The following FRMD6 variants were observed in gnomAD, a reference collection of about 807,000 sequenced individuals.
FRMD6 encodes FERM domain containing 6.
In FRMD6, 37 loss-of-function variants were observed where a neutral mutation model predicts 73.2. The ratio of observed to expected loss-of-function variants is 0.51; its 90% CI spans 0.39 to 0.66. The LOEUF (loss-of-function observed/expected upper bound fraction) is 0.66, where lower values mean the gene tolerates loss of function less well. FRMD6 is among the 30% of genes least tolerant of loss of function. The pLI is 0.00. For missense variants in FRMD6, 714 were observed against 780.5 expected, an observed-to-expected ratio of 0.91 and a Z score of 1.02; for synonymous variants, 273 against 282.2, an observed-to-expected ratio of 0.97 and a Z score of 0.33.
chr14:51,633,309 A>G (rs1344302351), intron 2 of FRMD6, among the ~76,000 whole-genome samples: 1 of 151,236 alleles, frequency 6.6e-6, no homozygotes, highest in Non-Finnish European at 1.5e-5. Flanking sequence ...TCATATTATC[A>G]GGGTTTTTTT....
chr14:51,694,526 A>C (rs1043894828), intron 2 of FRMD6, among the ~76,000 whole-genome samples: 2 of 152,098 alleles, frequency 1.3e-5, no homozygotes, highest in African/African-American at 2.4e-5. Flanking sequence ...CCCTGTCTCT[A>C]CATAAAATTT....
chr14:51,415,085 T>C, the FRMD6 span, among the ~76,000 whole-genome samples: 1 of 152,234 alleles, frequency 6.6e-6, no homozygotes, highest in South Asian at 2.1e-4. Context: ...TATACAATCA[T>C]GTCATCTGCA....
At chr14:51,704,664 G>C in intron 5 of FRMD6, 85 bp from the exon 6 acceptor site, 4 of 1,118,376 alleles carry the variant, frequency 3.6e-6, no homozygotes, top group Non-Finnish European at 3.8e-6. Flanking sequence ...CCTGTCACCA[G>C]ATGGAGAGAA....
At chr14:51,595,925 T>C (rs903303064) in intron 2 of FRMD6, among the ~76,000 whole-genome samples, 16 of 152,312 alleles carry the variant, frequency 1.1e-4, no homozygotes, top group Admixed American at 2.6e-4. Context: ...TTTTTCCTCT[T>C]CTTTGGGGTA....
At chr14:51,519,428 G>T (rs1218404911) in intron 1 of FRMD6, among the ~76,000 whole-genome samples, 1 of 152,026 alleles carries the variant, frequency 6.6e-6, no homozygotes, top group Non-Finnish European at 1.5e-5. Context: ...GGGATTACAG[G>T]TGTGAGCCAC....
chr14:51,607,262 A>G (rs1890298522), intron 2 of FRMD6, among the ~76,000 whole-genome samples: 1 of 152,174 alleles, frequency 6.6e-6, no homozygotes, highest in Admixed American at 6.5e-5. Flanking sequence ...CCCTTTCTTC[A>G]TCCATGTATG....
the FRMD6 span, among the ~76,000 whole-genome samples, chr14:51,447,663 G>A: frequency 1.1e-3 from 163 of 152,308 alleles, no homozygotes; most frequent in African/African-American, 3.9e-3. Context: ...CACCTTGGGT[G>A]GAACTGTGTT....
chr14:51,583,755 A>G lies in FRMD6; in HGVS notation c.-147+13345A>G, dbSNP rs559440407. On this transcript the variant is annotated intron_variant, in intron 2 of 14. Coordinates refer to the FRMD6 transcript ENST00000356218. Reference sequence around the variant, plus strand: ...TGTATACACTTTCTGAAGAATTACAATGGTGCAGCCCGAAGTCACTCAGGA... The same window carrying G: ...TGTATACACTTTCTGAAGAATTACAGTGGTGCAGCCCGAAGTCACTCAGGA... 4.6e-5 allele frequency among the ~76,000 whole-genome samples: 7 copies of G among 152,318 alleles called. No individual in the cohort carries two copies. The South Asian group carries it at 1.2e-3, about 27-fold the overall frequency.
At chr14:51,468,529 T>C in the FRMD6 span, among the ~76,000 whole-genome samples, 3 of 152,182 alleles carry the variant, frequency 2.0e-5, no homozygotes, top group African/African-American at 7.2e-5. Context: ...TCTATGAAAA[T>C]TGAAAATAAG....
chr14:51,466,473 A>G, the FRMD6 span, among the ~76,000 whole-genome samples: 2 of 152,224 alleles, frequency 1.3e-5, no homozygotes, highest in South Asian at 2.1e-4. Flanking sequence ...TTCTATATGA[A>G]TACGTAGTTG....
chr14:51,524,762 G>A (rs1298289594), intron 1 of FRMD6, among the ~76,000 whole-genome samples: 4 of 151,988 alleles, frequency 2.6e-5, no homozygotes, highest in East Asian at 1.9e-4. Context: ...GTTATAGCTC[G>A]GCGTTCTCCT....
chr14:51,507,702 A>G (rs981929851), intron 1 of FRMD6, among the ~76,000 whole-genome samples: 14 of 151,968 alleles, frequency 9.2e-5, no homozygotes, highest in Non-Finnish European at 5.9e-5. Context: ...GCTGATTTCC[A>G]GTTCCATTAG....
the FRMD6 span, among the ~76,000 whole-genome samples, chr14:51,435,655 A>AG: frequency 6.6e-6 from 1 of 152,204 alleles, no homozygotes; most frequent in Non-Finnish European, 1.5e-5. Flanking sequence ...GGTAGAGGGA[A>AG]GGGGAGATAA....
intron 1 of FRMD6, among the ~76,000 whole-genome samples, chr14:51,661,432 C>CGA (rs1488038835): frequency 2.2e-5 from 3 of 136,462 alleles, no homozygotes; most frequent in African/African-American, 8.2e-5. Context: ...ATTGTGAACT[C>CGA]TATTGATCTA....
intron 1 of FRMD6, among the ~76,000 whole-genome samples, chr14:51,509,679 T>G (rs1023789676): frequency 1.3e-5 from 2 of 152,090 alleles, no homozygotes; most frequent in Non-Finnish European, 2.9e-5. Flanking sequence ...CAGGCTAGAG[T>G]GCAGTGGTGC....
the FRMD6 span, among the ~76,000 whole-genome samples, chr14:51,406,601 T>C: frequency 6.6e-6 from 1 of 152,202 alleles, no homozygotes; most frequent in African/African-American, 2.4e-5. Context: ...TGGGATTGCC[T>C]GCCTGATTTG....
the FRMD6 span, among the ~76,000 whole-genome samples, chr14:51,432,318 T>C: frequency 4.6e-5 from 7 of 152,198 alleles, no homozygotes; most frequent in East Asian, 7.7e-4. Flanking sequence ...GCAGTACTTG[T>C]AATTTACAAG....
chr14:51,692,361 C>G (rs993654036), intron 2 of FRMD6, among the ~76,000 whole-genome samples: 1 of 152,074 alleles, frequency 6.6e-6, no homozygotes, highest in Admixed American at 6.5e-5. Flanking sequence ...ACTTTTTATA[C>G]AGTTATATAA....
intron 2 of FRMD6, among the ~76,000 whole-genome samples, chr14:51,605,696 A>G (rs988682325): frequency 6.6e-6 from 1 of 152,148 alleles, no homozygotes; most frequent in East Asian, 1.9e-4. Flanking sequence ...TTTCTATTGG[A>G]TCTGGAATAT....
Sources: allele counts gnomAD v4.1 joint callset (sites outside exome capture counted in the v4.1 genomes callset), GRCh38; gene constraint gnomAD v4.1.1; transcripts MANE v1.5; gene names NCBI Gene and HGNC (gene_info 2026-07-23, HGNC 2026-07-21).